Variants in PIK3C2G observed in about 807,000 individuals in gnomAD.
PIK3C2G encodes phosphatidylinositol 3-kinase C2 domain-containing subunit gamma.
In PIK3C2G, 168 loss-of-function variants were observed where a neutral mutation model predicts 181.1. That is an observed-to-expected ratio of 0.93 (90% confidence interval 0.82 to 1.05). The LOEUF (loss-of-function observed/expected upper bound fraction) is 1.05, where lower values mean the gene tolerates loss of function less well. Among genes scored for constraint, PIK3C2G ranks in the 50% least tolerant of loss-of-function variants. PIK3C2G has a pLI of 0.00. For missense variants in PIK3C2G, 1,869 were observed against 1,732.8 expected, an observed-to-expected ratio of 1.08 and a Z score of -1.40; for synonymous variants, 573 against 592.2, an observed-to-expected ratio of 0.97 and a Z score of 0.47.
intron 10 of PIK3C2G, among the ~76,000 whole-genome samples, chr12:18,343,668 C>G (rs1287591511): frequency 6.6e-6 from 1 of 151,860 alleles, no homozygotes; most frequent in Non-Finnish European, 1.5e-5. Context: ...TATAACCATT[C>G]CAAGACATTG....
chr12:18,317,011 CTTTTTTTTT>C (rs756099726), intron 6 of PIK3C2G, among the ~76,000 whole-genome samples: 1 of 117,220 alleles, frequency 8.5e-6, no homozygotes. Flanking sequence ...AGTCTTGATT[CTTTTTTTTT>C]TTTTTTTTTT....
chr12:18,442,245 T>C (rs1946783978), intron 18 of PIK3C2G, among the ~76,000 whole-genome samples: 1 of 152,132 alleles, frequency 6.6e-6, no homozygotes, highest in Admixed American at 6.5e-5. Context: ...GAGAAATAAC[T>C]CTATTAACCT....
intron 12 of PIK3C2G, among the ~76,000 whole-genome samples, chr12:18,370,770 T>C (rs1031956132): frequency 4.6e-5 from 7 of 152,156 alleles, no homozygotes; most frequent in Non-Finnish European, 1.5e-5. Context: ...TTCCTCTTTC[T>C]GGAATATTCT....
the PIK3C2G span, among the ~76,000 whole-genome samples, chr12:18,664,247 C>A: frequency 6.6e-6 from 1 of 152,196 alleles, no homozygotes; most frequent in South Asian, 2.1e-4. Flanking sequence ...AGATTTACCA[C>A]ATAATCCTAC....
upstream of PIK3C2G, among the ~76,000 whole-genome samples, chr12:18,246,823 G>T (rs1411010861): frequency 2.6e-5 from 4 of 152,130 alleles, no homozygotes; most frequent in Admixed American, 6.5e-5. Flanking sequence ...CTCACCAGTA[G>T]ACTTAGCTGG....
chr12:18,546,900 G>A lies in PIK3C2G; in HGVS notation c.3590+468G>A, dbSNP rs376193140. The stretch of plus-strand genomic sequence containing the variant: ...TAAACAAGTCCAGCAAAACACTGAT[G>A]TATATCAAGGTAAGAATCTGGGCAG... On this transcript the variant is annotated intron_variant, in intron 26 of 32. Transcript: ENST00000538779. Among the ~76,000 whole-genome samples the A allele has an allele frequency of 1.1e-4, 16 of 152,098 alleles. No homozygotes were observed. The East Asian group carries it at 2.7e-3, about 26-fold the overall frequency.
At chr12:18,613,738 C>T (rs1046772011) in intron 31 of PIK3C2G, among the ~76,000 whole-genome samples, 4 of 151,988 alleles carry the variant, frequency 2.6e-5, no homozygotes, top group African/African-American at 9.7e-5. Context: ...ATTCCAGAAG[C>T]CTCTCTGGTG....
At chr12:18,388,250 A>T (rs1222875575) in intron 14 of PIK3C2G, among the ~76,000 whole-genome samples, 1 of 151,888 alleles carries the variant, frequency 6.6e-6, no homozygotes, top group Non-Finnish European at 1.5e-5. Context: ...TCATGGTCTA[A>T]CATACGTATG....
At chr12:18,680,631 A>G in the PIK3C2G span, among the ~76,000 whole-genome samples, 28 of 152,194 alleles carry the variant, frequency 1.8e-4, no homozygotes, top group Admixed American at 1.2e-3. Context: ...CTTTTCTGTA[A>G]CACATGTAAG....
chr12:18,414,079 A>T (rs79127752), intron 16 of PIK3C2G, among the ~76,000 whole-genome samples: 3,870 of 152,256 alleles, frequency 0.025, 142 homozygotes, highest in African/African-American at 0.084. Context: ...GTATCAAGTT[A>T]AGCATAAATT....
chr12:18,714,328 A>C, the PIK3C2G span, among the ~76,000 whole-genome samples: 1 of 152,246 alleles, frequency 6.6e-6, no homozygotes, highest in Non-Finnish European at 1.5e-5. Flanking sequence ...CAGCAACACT[A>C]ACATAAGGCA....
downstream of PIK3C2G, among the ~76,000 whole-genome samples, chr12:18,650,712 C>CTATATATATATATA (rs1157799425): frequency 1.4e-4 from 2 of 14,614 alleles, no homozygotes; most frequent in Admixed American, 1.1e-3. Context: ...GTGTATATAT[C>CTATATATATATATA]TATATATATA....
chr12:18,419,829 T>C (rs1592213459), intron 16 of PIK3C2G, among the ~76,000 whole-genome samples: 1 of 152,270 alleles, frequency 6.6e-6, no homozygotes, highest in South Asian at 2.1e-4. Flanking sequence ...TCAAGGACAA[T>C]TGAGTTATGT....
chr12:18,550,815 C>A (rs182289035), intron 26 of PIK3C2G, among the ~76,000 whole-genome samples: 2 of 152,166 alleles, frequency 1.3e-5, no homozygotes, highest in Non-Finnish European at 1.5e-5. Context: ...CAAGACCAGG[C>A]CATCTGAGAC....
chr12:18,658,783 G>A, the PIK3C2G span, among the ~76,000 whole-genome samples: 4 of 152,056 alleles, frequency 2.6e-5, no homozygotes, highest in African/African-American at 9.7e-5. Context: ...GGGAGAGAAT[G>A]CTATACTTTA....
chr12:18,465,718 C>T (rs1937793373), intron 18 of PIK3C2G, among the ~76,000 whole-genome samples: 1 of 151,682 alleles, frequency 6.6e-6, no homozygotes, highest in Admixed American at 6.6e-5. Context: ...TTTAAGACTT[C>T]TTTGTGTCTA....
At chr12:18,700,838 T>C in the PIK3C2G span, among the ~76,000 whole-genome samples, 1 of 152,214 alleles carries the variant, frequency 6.6e-6, no homozygotes, top group Non-Finnish European at 1.5e-5. Context: ...CTAATGTATA[T>C]ACATATAACA....
the PIK3C2G span, among the ~76,000 whole-genome samples, chr12:18,657,411 A>T: frequency 1.3e-5 from 2 of 152,132 alleles, no homozygotes; most frequent in Admixed American, 1.3e-4. Flanking sequence ...CTCAGGCTCT[A>T]TGAAAGCACA....
intron 1 of PIK3C2G, among the ~76,000 whole-genome samples, chr12:18,275,837 G>C (rs1013863690): frequency 6.6e-6 from 1 of 152,098 alleles, no homozygotes; most frequent in Non-Finnish European, 1.5e-5. Flanking sequence ...GTTAGCTTAG[G>C]AATCTTCTAT....
Sources: gnomAD v4.1 joint callset for allele counts (sites outside exome capture counted in the v4.1 genomes callset) on GRCh38, gnomAD v4.1.1 for gene constraint, MANE v1.5 for transcripts, NCBI Gene and HGNC (gene_info 2026-07-23, HGNC 2026-07-21) for gene names.